IL23R: variants seen among roughly 807,000 people sequenced by gnomAD.
IL23R encodes interleukin 23 receptor.
IL23R carries 34 observed loss-of-function variants against 56.9 expected under a neutral mutation model. That is an observed-to-expected ratio of 0.60 (90% CI 0.45 to 0.80). IL23R has a LOEUF of 0.80. Ranked by LOEUF, IL23R falls within the 30% of genes least tolerant of loss-of-function variation. The pLI, the probability that IL23R is intolerant of heterozygous loss-of-function variation, is 0.00. For synonymous variants in IL23R, 230 were observed against 249.2 expected (o/e 0.92, Z 0.73); for missense variants, 635 against 730.0 (o/e 0.87, Z 1.50).
rs1648809562 is a variant in IL23R at position 67,203,885 on chromosome 1, G to A, written c.652+2988G>A. 2.6e-5 allele frequency among the ~76,000 whole-genome samples: 4 copies of A among 152,112 alleles called. No individual in the cohort carries two copies. The South Asian group carries it at 8.3e-4, about 32-fold the overall frequency. On this transcript the variant is annotated intron_variant, in intron 5 of 10. Coordinates refer to ENST00000347310, the MANE Select transcript of IL23R (RefSeq NM_144701.3). Reference sequence around the variant, plus strand: ...AGGAATGCTTTTAACTTCTCTTGTAGGGAAATAAATTCGGGTACAGAAATT... The same window carrying A: ...AGGAATGCTTTTAACTTCTCTTGTAAGGAAATAAATTCGGGTACAGAAATT...
At chr1:67,172,608 T>C (rs6671221) in intron 3 of IL23R, among the ~76,000 whole-genome samples, 71,248 of 152,022 alleles carry the variant, frequency 0.47, 17,523 homozygotes, top group East Asian at 0.64. Context: ...AATTAAACCA[T>C]GCACAGTCAT....
downstream of IL23R, among the ~76,000 whole-genome samples, chr1:67,261,793 A>T (rs144264958): frequency 3.7e-3 from 564 of 152,326 alleles, 3 homozygotes; most frequent in African/African-American, 0.013. Context: ...CACATGAAAA[A>T]AGCTTTTATC....
intron 1 of IL23R, among the ~76,000 whole-genome samples, 162 bp from the exon 2 acceptor site, chr1:67,167,930 C>A (rs1277800804): frequency 1.3e-5 from 2 of 151,322 alleles, no homozygotes; most frequent in Non-Finnish European, 2.9e-5. Flanking sequence ...AGTAACATTT[C>A]TTTGCTCTGT....
chr1:67,145,953 C>T (rs1009917046), intron 1 of IL23R, among the ~76,000 whole-genome samples: 12 of 152,140 alleles, frequency 7.9e-5, no homozygotes, highest in African/African-American at 2.9e-4. Context: ...AACTTCTCTC[C>T]TTTTGGGATA....
At chr1:67,247,759 T>G (rs1455643948) in intron 9 of IL23R, among the ~76,000 whole-genome samples, 1 of 152,242 alleles carries the variant, frequency 6.6e-6, no homozygotes, top group Non-Finnish European at 1.5e-5. Context: ...TGGTACTGGT[T>G]CCTTTCCATG....
intron 9 of IL23R, 112 bp downstream of exon 9, chr1:67,240,393 A>G: frequency 1.4e-6 from 1 of 713,470 alleles, no homozygotes; most frequent in Non-Finnish European, 2.5e-6. Context: ...TTTTATTCAG[A>G]TAAAGGAAAA....
At position 67,258,664 on chromosome 1, in the gene IL23R, T is replaced by G. The variant is rs921734212; in HGVS notation, c.1426T>G (p.Tyr476Asp). The G allele has an allele frequency of 5.0e-6, 8 of 1,613,890 alleles. No homozygotes were observed. The highest frequency in any genetic ancestry group is 1.3e-5 in the African/African-American group (1 of 74,920). The change falls in exon 11 of 11, where the codon TAT (tyrosine) becomes GAT (aspartate). Residue 476 changes from tyrosine to aspartate, a missense_variant. Physicochemically the swap from Tyr to Asp is radical, Grantham distance 160 (BLOSUM62 -3). Transcript: ENST00000347310. ...NSLFDNTTVV[Y>D]IPDLNTGYKP... is the part of the protein sequence containing the mutation. ...GCTATTCGACAATACTACAGTTGTA[T>G]ATATTCCTGATCTCAACACTGGATA... is the stretch of plus-strand genomic sequence containing the variant.
intron 7 of IL23R, among the ~76,000 whole-genome samples, chr1:67,235,365 C>A (rs1458918032): frequency 1.3e-5 from 2 of 151,326 alleles, no homozygotes; most frequent in African/African-American, 4.9e-5. Context: ...CACGCTTATG[C>A]CTGCACCCAG....
intron 9 of IL23R, among the ~76,000 whole-genome samples, chr1:67,249,212 G>A (rs1275123370): frequency 6.6e-6 from 1 of 152,108 alleles, no homozygotes; most frequent in African/African-American, 2.4e-5. Flanking sequence ...TTCTACTTTG[G>A]TTAGCAGTCT....
intron 1 of IL23R, among the ~76,000 whole-genome samples, chr1:67,141,522 C>G (rs1028054086): frequency 6.6e-6 from 1 of 152,102 alleles, no homozygotes; most frequent in African/African-American, 2.4e-5. Flanking sequence ...CTTTGGTAAG[C>G]TGAGGTGGGA....
chr1:67,245,534 G>A (rs779159821), intron 9 of IL23R, among the ~76,000 whole-genome samples: 32 of 152,056 alleles, frequency 2.1e-4, no homozygotes, highest in Non-Finnish European at 2.2e-4. Flanking sequence ...GTTGAATTTT[G>A]TCAAAGGCCT....
chr1:67,153,648 C>T (rs868137464), intron 1 of IL23R, among the ~76,000 whole-genome samples: 1 of 152,150 alleles, frequency 6.6e-6, no homozygotes, highest in African/African-American at 2.4e-5. Context: ...TACATTGTCT[C>T]TCTGTTCTCA....
chr1:67,228,199 C>CT (rs1228120726), intron 7 of IL23R, among the ~76,000 whole-genome samples: 13 of 131,510 alleles, frequency 9.9e-5, no homozygotes, highest in Non-Finnish European at 1.8e-4. Context: ...TCCTTCCTTC[C>CT]TCCCTTCTTT....
intron 2 of IL23R, 77 bp downstream of exon 2, chr1:67,168,267 T>C (rs1453881970): frequency 3.7e-6 from 4 of 1,067,174 alleles, no homozygotes; most frequent in Non-Finnish European, 5.9e-6. Flanking sequence ...TTCATGGTTT[T>C]ATGTTAGAAT....
chr1:67,149,235 C>G (rs1005740502), intron 1 of IL23R, among the ~76,000 whole-genome samples: 1 of 152,126 alleles, frequency 6.6e-6, no homozygotes, highest in South Asian at 2.1e-4. Context: ...GGAGGGGGAG[C>G]ATTGAGCACT....
chr1:67,261,724 G>A (rs1164280348), downstream of IL23R, among the ~76,000 whole-genome samples: 1 of 152,150 alleles, frequency 6.6e-6, no homozygotes, highest in East Asian at 1.9e-4. Context: ...TGATGAAGAC[G>A]TCTGGTAACA....
chr1:67,147,913 C>G (rs376351430), intron 1 of IL23R, among the ~76,000 whole-genome samples: 2 of 152,178 alleles, frequency 1.3e-5, no homozygotes, highest in African/African-American at 4.8e-5. Context: ...TGGGGTAAGC[C>G]GCTTCCAAGA....
intron 6 of IL23R, among the ~76,000 whole-genome samples, chr1:67,214,141 A>G (rs1168660192): frequency 6.6e-6 from 1 of 152,238 alleles, no homozygotes; most frequent in East Asian, 1.9e-4. Flanking sequence ...AGGGATAGCC[A>G]CTGCACTGCA....
intron 5 of IL23R, among the ~76,000 whole-genome samples, chr1:67,202,093 C>G (rs573217062): frequency 2.6e-5 from 4 of 152,306 alleles, no homozygotes; most frequent in South Asian, 4.1e-4. Flanking sequence ...CAAATGACAC[C>G]AAGTCTGAAT....
Sources: allele counts gnomAD v4.1 joint callset (sites outside exome capture counted in the v4.1 genomes callset), GRCh38; gene constraint gnomAD v4.1.1; transcripts MANE v1.5; gene names NCBI Gene and HGNC (gene_info 2026-07-23, HGNC 2026-07-21).